KANK1: variants seen among roughly 807,000 people sequenced by gnomAD.
The protein encoded by KANK1 is KN motif and ankyrin repeat domains 1.
In KANK1, 109 loss-of-function variants were observed where a neutral mutation model predicts 106.2. The observed-to-expected ratio is 1.03, with a 90% CI of 0.88 to 1.20. The LOEUF is 1.20. Ranked by LOEUF, KANK1 falls within the 50% of genes most tolerant of loss-of-function variation. The pLI, the probability that KANK1 is intolerant of heterozygous loss-of-function variation, is 0.00. For synonymous variants in KANK1, 873 were observed against 652.2 expected (o/e 1.34, Z -5.16); for missense variants, 2,399 against 1,710.7 (o/e 1.40, Z -7.10).
chr9:573,055 C>G (rs1819616653), intron 1 of KANK1, among the ~76,000 whole-genome samples: 1 of 152,004 alleles, frequency 6.6e-6, no homozygotes, highest in Non-Finnish European at 1.5e-5. Flanking sequence ...ATTGTAATTA[C>G]TGGCAGATAT....
At position 711,862 on chromosome 9, in the gene KANK1, G is replaced by A. The variant is rs186828661; in HGVS notation, c.1096G>A (p.Glu366Lys). 3.7e-6 allele frequency: 6 copies of A among 1,614,208 alleles called. No individual in the cohort carries two copies. The East Asian group carries it at 1.3e-4, about 36-fold the overall frequency. Residue 366 changes from glutamate to lysine, a missense_variant, in exon 3 of 12, where the codon GAG becomes AAG. Glu to Lys is a moderately conservative substitution (Grantham distance 56, BLOSUM62 1). Transcript: ENST00000382297. ...TVEQSTQRIKEFRQLTADMQA... is the reference protein window; with the variant it reads ...TVEQSTQRIKKFRQLTADMQA... ...AGAACAGAGCACGCAGAGGATAAAG[G>A]AGTTCCGGCAACTTACAGCAGACAT...
chr9:670,949 GTTTT>G (rs5895857), intron 1 of KANK1, among the ~76,000 whole-genome samples: 6,462 of 103,256 alleles, frequency 0.063, 595 homozygotes, highest in African/African-American at 0.2. Flanking sequence ...GTCTGCTGGA[GTTTT>G]TTTTTTTTTT....
intron 1 of KANK1, among the ~76,000 whole-genome samples, chr9:641,704 T>C (rs1838479438): frequency 6.6e-6 from 1 of 152,210 alleles, no homozygotes; most frequent in African/African-American, 2.4e-5. Context: ...TACATCTTAC[T>C]CTCTTGCCAT....
chr9:486,566 G>C (rs1314918843), intron 3 of KANK1, among the ~76,000 whole-genome samples: 1 of 152,130 alleles, frequency 6.6e-6, no homozygotes, highest in Non-Finnish European at 1.5e-5. Flanking sequence ...GAGTAGCAGA[G>C]GCAGGATTTG....
chr9:546,282 T>C (rs1263377123), intron 1 of KANK1, among the ~76,000 whole-genome samples: 6 of 152,052 alleles, frequency 3.9e-5, no homozygotes, highest in African/African-American at 9.7e-5. Context: ...CGAAGAAATT[T>C]ATGATTGTTA....
At chr9:636,522 GA>G (rs1837176526) in intron 1 of KANK1, among the ~76,000 whole-genome samples, 1 of 152,144 alleles carries the variant, frequency 6.6e-6, no homozygotes, top group South Asian at 2.1e-4. Flanking sequence ...AACAGAGTCC[GA>G]AACGTTGTCC....
chr9:703,772 C>T (rs1345601761), intron 2 of KANK1, among the ~76,000 whole-genome samples: 3 of 151,796 alleles, frequency 2.0e-5, no homozygotes, highest in East Asian at 3.9e-4. Context: ...AATGCAGTGG[C>T]GTGATCTTGA....
intron 1 of KANK1, among the ~76,000 whole-genome samples, chr9:668,232 C>G (rs988650172): frequency 6.6e-6 from 1 of 152,048 alleles, no homozygotes; most frequent in African/African-American, 2.4e-5. Context: ...TCAGTTGGAC[C>G]TATTTGGTCT....
intron 1 of KANK1, among the ~76,000 whole-genome samples, chr9:624,943 G>A (rs75268281): frequency 0.014 from 2,078 of 152,304 alleles, 25 homozygotes; most frequent in Middle Eastern, 0.031. Flanking sequence ...CCTTGACTTG[G>A]ACTTACTTTA....
rs1277598999 is a variant in KANK1, at chr9:712,776, C to G, written c.2010C>G (p.Asp670Glu). Reference sequence around the variant, plus strand: ...TCATGGCAGTGCCTCGTACTGCAGACCAGGACACTAGCACAGATTTGGAAC... The same window carrying G: ...TCATGGCAGTGCCTCGTACTGCAGAGCAGGACACTAGCACAGATTTGGAAC... ...AAVMAVPRTA[D>E]QDTSTDLEQV... is the part of the protein sequence containing the mutation. The change falls in exon 3 of 12, where the codon GAC becomes GAG. Residue 670 changes from aspartate (D) to glutamate (E), a missense_variant. By Grantham distance (45) the Asp-to-Glu change is conservative. Coordinates refer to ENST00000382297, the MANE Select transcript of KANK1 (RefSeq NM_015158.5). The G allele has an allele frequency of 6.2e-7, 1 of 1,613,840 alleles. No individual in the cohort carries two copies. The highest frequency in any genetic ancestry group is 2.2e-5 in the East Asian group (1 of 44,872).
intron 1 of KANK1, among the ~76,000 whole-genome samples, chr9:627,353 T>C (rs72689696): frequency 0.24 from 36,950 of 151,872 alleles, 4,836 homozygotes; most frequent in East Asian, 0.33. Flanking sequence ...CTGCCCAGGA[T>C]TTCTCACTCC....
chr9:552,285 G>A (rs2061329633), intron 1 of KANK1, among the ~76,000 whole-genome samples: 1 of 152,154 alleles, frequency 6.6e-6, no homozygotes, highest in East Asian at 1.9e-4. Flanking sequence ...ACAGGAAGAA[G>A]ACGAAAGTAG....
At chr9:485,932 G>T (rs545508181) in intron 3 of KANK1, among the ~76,000 whole-genome samples, 1 of 151,830 alleles carries the variant, frequency 6.6e-6, no homozygotes, top group African/African-American at 2.4e-5. Context: ...GAGTCCGGAG[G>T]TCCCTGGTTG....
chr9:566,428 C>G (rs1056712252), intron 1 of KANK1, among the ~76,000 whole-genome samples: 1 of 152,220 alleles, frequency 6.6e-6, no homozygotes, highest in Non-Finnish European at 1.5e-5. Context: ...TTTGAAGACT[C>G]ATCACATTGT....
At chr9:708,954 T>A (rs995317340) in intron 2 of KANK1, among the ~76,000 whole-genome samples, 35 of 152,200 alleles carry the variant, frequency 2.3e-4, no homozygotes, top group Non-Finnish European at 2.9e-5. Context: ...AGCGACAAGG[T>A]CTGCGCTTTG....
chr9:569,460 C>T (rs1224324404), intron 1 of KANK1, among the ~76,000 whole-genome samples: 1 of 152,084 alleles, frequency 6.6e-6, no homozygotes, highest in African/African-American at 2.4e-5. Context: ...CCTGAGCTAG[C>T]ACACTCGGCC....
intron 1 of KANK1, among the ~76,000 whole-genome samples, chr9:595,451 A>G (rs1825977413): frequency 6.6e-6 from 1 of 151,940 alleles, no homozygotes; most frequent in Admixed American, 6.5e-5. Context: ...GAACCCGAGG[A>G]AAAGCCTGCA....
chr9:503,794 T>C (rs189818643), upstream of KANK1, among the ~76,000 whole-genome samples: 386 of 152,314 alleles, frequency 2.5e-3, 2 homozygotes, highest in African/African-American at 9.0e-3. Context: ...AGCTTCTCAA[T>C]CCCTACTAAT....
At chr9:730,468 G>T in intron 4 of KANK1, 1 of 522,206 alleles carries the variant, frequency 1.9e-6, no homozygotes, top group Non-Finnish European at 3.4e-6. Flanking sequence ...AAGGCAGGCA[G>T]ATCATTTGAG....
Sources: allele counts gnomAD v4.1 joint callset (sites outside exome capture counted in the v4.1 genomes callset), GRCh38; gene constraint gnomAD v4.1.1; transcripts MANE v1.5; gene names NCBI Gene and HGNC (gene_info 2026-07-23, HGNC 2026-07-21).